Variants in ERN1 observed in about 807,000 individuals in gnomAD.
ERN1 encodes serine/threonine-protein kinase/endoribonuclease IRE1.
Under a neutral mutation model 113.1 loss-of-function variants are expected in ERN1, and 39 were observed. The observed-to-expected ratio is 0.34, with a 90% CI of 0.27 to 0.45. The LOEUF (loss-of-function observed/expected upper bound fraction) is 0.45, where lower values mean the gene tolerates loss of function less well. Among genes scored for constraint, ERN1 ranks in the 20% least tolerant of loss-of-function variants. The probability of loss-of-function intolerance (pLI) is 1.00; values close to 1 mark genes in which losing one functional copy is unlikely to be tolerated. For synonymous variants in ERN1, 507 were observed against 515.9 expected, an observed-to-expected ratio of 0.98 and a Z score of 0.23; for missense variants, 976 against 1,274.8, an observed-to-expected ratio of 0.77 and a Z score of 3.57.
At chr17:64,053,985 G>A in intron 15 of ERN1, 1 of 384,308 alleles carries the variant, frequency 2.6e-6, no homozygotes. Flanking sequence ...TGTTGTCCAG[G>A]CTGGAGTGCA....
At chr17:64,107,851 A>G (rs1233232003) in intron 1 of ERN1, among the ~76,000 whole-genome samples, 1 of 152,258 alleles carries the variant, frequency 6.6e-6, no homozygotes, top group Non-Finnish European at 1.5e-5. Context: ...ATTTCAGTCC[A>G]CCAGTAAATC....
Position 64,077,785 on chromosome 17 carries a change from G to A in ERN1, c.282+1877C>T, listed in dbSNP as rs192573787. On this transcript the variant is annotated intron_variant, in intron 4 of 21. Coordinates refer to ENST00000433197, the MANE Select transcript of ERN1 (RefSeq NM_001433.5). The stretch of plus-strand genomic sequence containing the variant: ...TTTTGAGATGGAGTCTCGCTCTGTT[G>A]CCCAGGCTGGAGTGTAGTGGCGTGA... Among the ~76,000 whole-genome samples, 1,323 of 148,566 alleles carry A rather than the reference G, an allele frequency of 8.9e-3. 18 individuals carry two copies. Among genetic ancestry groups the A allele is most frequent in the African/African-American group, 0.03 (1,213 of 40,218 alleles).
chr17:64,127,647 G>A (rs991760079), intron 1 of ERN1, among the ~76,000 whole-genome samples: 5 of 151,896 alleles, frequency 3.3e-5, no homozygotes, highest in Admixed American at 6.6e-5. Flanking sequence ...CCAGCTACTC[G>A]GGAGGCTGAG....
chr17:64,125,302 C>T (rs1414175240), intron 1 of ERN1, among the ~76,000 whole-genome samples: 1 of 152,040 alleles, frequency 6.6e-6, no homozygotes. Flanking sequence ...ATATCTTCCC[C>T]TGTTATCATA....
rs1425212937 is a variant in ERN1, at chr17:64,040,709, CTGAGAACACGGCGGGAG to C, written c.*3262_*3278del. On this transcript the variant is annotated 3_prime_UTR_variant, in exon 22 of 22. Coordinates refer to ENST00000433197, the MANE Select transcript of ERN1 (RefSeq NM_001433.5). ...GGAAGGGCCTCTGACCACCACTGCA[CTGAGAACACGGCGGGAG>C]TGAGAACACCTGCGCACCCAGGATT... 6.6e-6 allele frequency: 1 copy of C among 152,244 alleles called. No homozygotes were observed. The highest frequency in any genetic ancestry group is 1.5e-5 in the Non-Finnish European group (1 of 68,080). 9.4% of individuals were successfully genotyped at this position (152,244 alleles called of 1,614,324 possible).
In ERN1 at chr17:64,068,249, C is replaced by A. The variant is rs536593377; in HGVS notation, c.521G>T (p.Arg174Leu). The A allele has an allele frequency of 6.2e-7, 1 of 1,612,694 alleles. No individual in the cohort carries two copies. The highest frequency in any genetic ancestry group is 1.1e-5 in the South Asian group (1 of 90,754). Residue 174 changes from arginine to leucine, a missense_variant, in exon 7 of 22, where the codon CGG becomes CTG. By Grantham distance (102) the Arg-to-Leu change is moderately radical (BLOSUM62 -2). Transcript: ENST00000433197. ...TMYDTKTREL[R>L]WNATYFDYAA... ...ATAGTCAAAGTAGGTGGCATTCCAC[C>A]GGAGCTCTCGGGTTTTGGTGTCGTA...
At chr17:64,072,139 A>T (rs1160971111) in intron 5 of ERN1, 36 bp from the exon 6 acceptor site, 1 of 1,607,908 alleles carries the variant, frequency 6.2e-7, no homozygotes, top group Non-Finnish European at 8.5e-7. Flanking sequence ...CGTTTACACC[A>T]TATGGAAAAA....
intron 2 of ERN1, among the ~76,000 whole-genome samples, chr17:64,085,125 T>C (rs750442267): frequency 2.6e-5 from 4 of 152,222 alleles, no homozygotes; most frequent in Non-Finnish European, 5.9e-5. Flanking sequence ...GACACACAGG[T>C]GGTAACCAAC....
At chr17:64,117,523 C>A (rs1414839230) in intron 1 of ERN1, among the ~76,000 whole-genome samples, 2 of 151,792 alleles carry the variant, frequency 1.3e-5, no homozygotes, top group Admixed American at 6.6e-5. Context: ...ACGCTCAGTC[C>A]CTCATATTTG....
At position 64,063,623 on chromosome 17, in the gene ERN1, A is replaced by C. The variant is rs1261592690; in HGVS notation, c.1087+363T>G. Among the ~76,000 whole-genome samples, 1 of 152,164 alleles carries C rather than the reference A, an allele frequency of 6.6e-6. No individual in the cohort carries two copies. Among genetic ancestry groups the C allele is most frequent in the East Asian group, 1.9e-4 (1 of 5,202 alleles). On this transcript the variant is annotated intron_variant, in intron 10 of 21. Coordinates refer to ENST00000433197, the MANE Select transcript of ERN1 (RefSeq NM_001433.5). This position sits in a 1 kb window ranked among gnomAD's most constrained non-coding sequence, Gnocchi z 5.1. ...TCCAAGTTAATTCTTCCATAGAAACAGTCTCAGTTTTCTTAACTATAAAAT... is the reference window on the plus strand; with the variant it reads ...TCCAAGTTAATTCTTCCATAGAAACCGTCTCAGTTTTCTTAACTATAAAAT...
intron 10 of ERN1, among the ~76,000 whole-genome samples, chr17:64,060,907 G>A (rs972083583): frequency 3.9e-5 from 6 of 152,216 alleles, no homozygotes; most frequent in Admixed American, 1.3e-4. Flanking sequence ...CACAGGTGAA[G>A]TATGATGAGG....
chr17:64,054,974 C>A lies in ERN1; in HGVS notation c.1673-146G>T, dbSNP rs1567863175. On this transcript the variant is annotated intron_variant, in intron 13 of 21. Transcript: ENST00000433197. This position sits in a 1 kb window ranked among gnomAD's most constrained non-coding sequence, Gnocchi z 4.9. ...CCCCAGACTGCTGCTCAGCAAGAGC[C>A]TGCCAGGCCCACTCCCCATGTACAC... 1.6e-6 allele frequency: 1 copy of A among 642,576 alleles called. No individual in the cohort carries two copies. The highest frequency in any genetic ancestry group is 1.9e-5 in the South Asian group (1 of 52,958). 39.8% of individuals were successfully genotyped at this position (642,576 alleles called of 1,614,324 possible).
At chr17:64,089,053 C>T (rs1003703640) in intron 2 of ERN1, among the ~76,000 whole-genome samples, 24 of 152,158 alleles carry the variant, frequency 1.6e-4, no homozygotes, top group Non-Finnish European at 1.0e-4. Context: ...GGCGCAGTGG[C>T]TCACGCCTGT....
At position 64,130,022 on chromosome 17, in the gene ERN1, G is replaced by A. The variant is rs1389431929; in HGVS notation, c.8C>T (p.Ala3Val). 7.0e-7 allele frequency: 1 copy of A among 1,431,428 alleles called. No homozygotes were observed. Among genetic ancestry groups the A allele is most frequent in the South Asian group, 1.4e-5 (1 of 70,174 alleles). The allele number at this position is 1,431,428 out of a possible 1,614,324, so 88.7% of individuals were successfully genotyped here. A position where few individuals can be genotyped will look rare whatever the true frequency, so the allele number is the denominator to read the frequency against. Reference sequence around the variant, plus strand: ...CGTCAGCAGCAGCAGCAGCCGCCGGGCCGGCATGGCGAGGACTCGGCCCTG... The same window carrying A: ...CGTCAGCAGCAGCAGCAGCCGCCGGACCGGCATGGCGAGGACTCGGCCCTG... The part of the protein sequence containing the change: MP[A>V]RRLLLLLTLL... The change falls in exon 1 of 22, where the codon GCC becomes GTC. Residue 3 changes from alanine (A) to valine (V), a missense_variant. This residue lies in a region of ERN1 where 459 missense variants were observed against 581.2 expected (regional missense o/e 0.79). Transcript: ENST00000433197. The surrounding 1 kb of genome is among the most constrained non-coding windows in gnomAD (Gnocchi z 4.0).
chr17:64,054,608 G>T lies in ERN1; in HGVS notation c.1763+130C>A. On this transcript the variant is annotated intron_variant, in intron 14 of 21. Transcript: ENST00000433197. This position sits in a 1 kb window ranked among gnomAD's most constrained non-coding sequence, Gnocchi z 4.9. ...GCTTGTCTCAGTGTGCAAGCTCCCTGGAGGCCGGACTCCATGCGTCTAGGT... is the reference window on the plus strand; with the variant it reads ...GCTTGTCTCAGTGTGCAAGCTCCCTTGAGGCCGGACTCCATGCGTCTAGGT... 3 of 987,796 alleles carry T rather than the reference G, an allele frequency of 3.0e-6. No individual in the cohort carries two copies. Among genetic ancestry groups the T allele is most frequent in the Non-Finnish European group, 4.5e-6 (3 of 670,174 alleles). The allele number at this position is 987,796 out of a possible 1,614,324, so 61.2% of individuals were successfully genotyped here.
In ERN1 at chr17:64,054,347, G is replaced by A. The variant is rs753400602; in HGVS notation, c.1856C>T (p.Ser619Leu). Residue 619 changes from serine (S) to leucine (L), a missense_variant, in exon 15 of 22, where the codon TCG (serine) becomes TTG (leucine). By Grantham distance (145) the Ser-to-Leu change is moderately radical. Transcript: ENST00000433197. The surrounding 1 kb of genome is among the most constrained non-coding windows in gnomAD (Gnocchi z 4.9). Reference protein sequence around the residue: ...ADREVQLLRESDEHPNVIRYF... With the variant: ...ADREVQLLRELDEHPNVIRYF... ...GCGGATCACGTTCGGGTGCTCATCC[G>A]ATTCTCGCAACAGCTGGACCTCACG... 3 of 1,612,594 alleles carry A rather than the reference G, an allele frequency of 1.9e-6. No individual in the cohort carries two copies. Among genetic ancestry groups the A allele is most frequent in the Non-Finnish European group, 1.7e-6 (2 of 1,179,282 alleles).
At position 64,054,399 on chromosome 17, in the gene ERN1, G is replaced by C; in HGVS notation, c.1804C>G (p.Leu602Val). ...TCTGCGAAGCTAAAACACTCGGGGA[G>C]GATCCTCTTCACGGCCACGTCGCGG... The part of the protein sequence containing the change: ...DNRDVAVKRI[L>V]PECFSFADRE... The change falls in exon 15 of 22, where the codon CTC (leucine) becomes GTC (valine). Residue 602 changes from leucine to valine, a missense_variant. Around this residue, in one of 5 missense-constraint regions of ERN1, gnomAD observed 297 missense variants for 457.8 expected, o/e 0.65. Coordinates refer to ENST00000433197, the MANE Select transcript of ERN1 (RefSeq NM_001433.5). The surrounding 1 kb of genome is among the most constrained non-coding windows in gnomAD (Gnocchi z 4.9). The C allele has an allele frequency of 6.3e-7, 1 of 1,592,770 alleles. No individual in the cohort carries two copies. The highest frequency in any genetic ancestry group is 8.5e-7 in the Non-Finnish European group (1 of 1,169,738).
intron 10 of ERN1, among the ~76,000 whole-genome samples, chr17:64,061,357 C>T (rs1913049267): frequency 6.6e-6 from 1 of 152,232 alleles, no homozygotes; most frequent in African/African-American, 2.4e-5. Flanking sequence ...TGCCAGTAGC[C>T]TGGCTGACTT....
In ERN1 at chr17:64,053,282, G is replaced by T; in HGVS notation, c.2043C>A (p.Ser681=). The T allele has an allele frequency of 6.2e-7, 1 of 1,607,914 alleles. No homozygotes were observed. The highest frequency in any genetic ancestry group is 1.1e-5 in the South Asian group (1 of 90,680). Reference sequence around the variant, plus strand: ...AGTGCAGCCTCTCACCGATGTTGAGGGAGTGGAGGTGGGCCAGGCCCGAGG... The same window carrying T: ...AGTGCAGCCTCTCACCGATGTTGAGTGAGTGGAGGTGGGCCAGGCCCGAGG... ...QTTSGLAHLH[S]LNIVHRDLKP... Residue 681 remains serine (S), a synonymous_variant, in exon 16 of 22, where the codon TCC becomes TCA. Transcript: ENST00000433197.
Sources: gnomAD v4.1 joint callset for allele counts (sites outside exome capture counted in the v4.1 genomes callset) on GRCh38, gnomAD v4.1.1 for gene constraint, gnomAD v4.1.1 regional missense constraint, Gnocchi (gnomAD v3.1) non-coding constraint, MANE v1.5 for transcripts, NCBI Gene and HGNC (gene_info 2026-07-23, HGNC 2026-07-21) for gene names.